Variants in ANKRD36C observed in about 807,000 individuals in gnomAD.
ANKRD36C encodes the protein ankyrin repeat domain-containing protein 36C.
Under a neutral mutation model 276.4 loss-of-function variants are expected in ANKRD36C, and 61 were observed. The ratio of observed to expected loss-of-function variants is 0.22; its 90% CI spans 0.18 to 0.27. The LOEUF (loss-of-function observed/expected upper bound fraction) is 0.27, where lower values mean the gene tolerates loss of function less well. Among genes scored for constraint, ANKRD36C ranks in the 10% least tolerant of loss-of-function variants. The pLI, the probability that ANKRD36C is intolerant of heterozygous loss-of-function variation, is 1.00. For missense variants in ANKRD36C, 1,447 were observed against 2,032.3 expected (o/e 0.71, Z 5.54); for synonymous variants, 483 against 680.1 (o/e 0.71, Z 4.51).
At position 95,914,091 on chromosome 2, in the gene ANKRD36C, T is replaced by C. The variant is rs1441989457; in HGVS notation, c.2551+17A>G. The C allele has an allele frequency of 3.9e-6, 6 of 1,550,102 alleles. No homozygotes were observed. Among genetic ancestry groups the C allele is most frequent in the Non-Finnish European group, 5.2e-6 (6 of 1,143,136 alleles). On this transcript the variant is annotated intron_variant, in intron 40 of 66. Coordinates refer to ENST00000456556, the Ensembl canonical transcript of ANKRD36C. ...TATCTCGACTGATCATGACATTAAATCTCTTTTCAAAATTACCTCTCCTAG... is the reference window on the plus strand; with the variant it reads ...TATCTCGACTGATCATGACATTAAACCTCTTTTCAAAATTACCTCTCCTAG...
rs1262504886 is a variant in ANKRD36C at position 95,964,357 on chromosome 2, T to A, written c.800-1810A>T. Among the ~76,000 whole-genome samples, 3 of 151,870 alleles carry A rather than the reference T, an allele frequency of 2.0e-5. No individual in the cohort carries two copies. The East Asian group carries it at 5.8e-4, about 30-fold the overall frequency. ...TAAGTGACTCCCCAAAGTCTCCTCA[T>A]CAGAAACCTCCAAATTACCTAGCTA... On this transcript the variant is annotated intron_variant, in intron 6 of 66. Transcript: ENST00000456556.
chr2:95,939,669 C>T, intron 20 of ANKRD36C, among the ~76,000 whole-genome samples: 1 of 148,596 alleles, frequency 6.7e-6, no homozygotes, highest in Non-Finnish European at 1.5e-5. Flanking sequence ...CCCGCCACTG[C>T]ACTCAAGCCT....
At chr2:95,853,245 A>T (rs1337929205) in intron 64 of ANKRD36C, 1 of 156,306 alleles carries the variant, frequency 6.4e-6, no homozygotes, top group Non-Finnish European at 1.4e-5. Flanking sequence ...AAGTATACAC[A>T]GGTTCTTTAT....
In ANKRD36C at chr2:95,919,767, G is replaced by A. The variant is rs112691624; in HGVS notation, c.2246-1725C>T. 1.3e-5 allele frequency: 18 copies of A among 1,377,736 alleles called. 5 individuals carry two copies. Among genetic ancestry groups the A allele is most frequent in the Non-Finnish European group, 1.8e-5 (18 of 1,022,846 alleles). 85.3% of individuals were successfully genotyped at this position (1,377,736 alleles called of 1,614,324 possible). On this transcript the variant is annotated intron_variant, in intron 34 of 66. Coordinates refer to ENST00000456556, the Ensembl canonical transcript of ANKRD36C. ...ATTTTTCTCCATCCTTTATTTCTGT[G>A]GCTATATTCAAAACAGAATCTTCCT... is the stretch of plus-strand genomic sequence containing the variant.
At chr2:95,984,421 T>C (rs2918836) in intron 3 of ANKRD36C, among the ~76,000 whole-genome samples, 1 of 152,242 alleles carries the variant, frequency 6.6e-6, no homozygotes, top group East Asian at 1.9e-4. Context: ...TCTCCTAAAC[T>C]TTCCATGTTG....
At chr2:95,980,345 A>G (rs556356006) in intron 5 of ANKRD36C, among the ~76,000 whole-genome samples, 1 of 152,218 alleles carries the variant, frequency 6.6e-6, no homozygotes, top group East Asian at 1.9e-4. Flanking sequence ...ATGTGAAACT[A>G]CTTTATCCTA....
rs542382911 is a variant in ANKRD36C at position 95,889,804 on chromosome 2, C to T, written c.2954G>A (p.Gly985Glu). The change falls in exon 48 of 67, where the codon GGG becomes GAG. Residue 985 changes from glycine (G) to glutamate (E), a missense_variant. Around this residue, in one of 13 missense-constraint regions of ANKRD36C, gnomAD observed 565 missense variants for 539.5 expected, o/e 1.05. Coordinates refer to ENST00000456556, the Ensembl canonical transcript of ANKRD36C. The stretch of plus-strand genomic sequence containing the variant: ...AAATGTGTTTGCAAAATTACCTGTC[C>T]CAGATATTTGTTCATCCTTTGTTTC... The T allele has an allele frequency of 1.4e-4, 217 of 1,588,158 alleles. No individual in the cohort carries two copies. The Middle Eastern group carries it at 3.2e-3, about 23-fold the overall frequency.
intron 14 of ANKRD36C, among the ~76,000 whole-genome samples, chr2:95,951,628 C>T (rs929214302): frequency 1.3e-5 from 2 of 152,308 alleles, no homozygotes; most frequent in Non-Finnish European, 2.9e-5. Flanking sequence ...TTCCTTTCAA[C>T]CCATGTTGAT....
In ANKRD36C at chr2:95,859,310, T is replaced by G. The variant is rs4990676; in HGVS notation, c.3896+551A>C. On this transcript the variant is annotated intron_variant, in intron 61 of 66. Coordinates refer to ENST00000456556, the Ensembl canonical transcript of ANKRD36C. ...GCCTACCAAAGTGCTGGGATTACAG[T>G]CATGAGCCACTGCACCCGGCTGATA... Among the ~76,000 whole-genome samples the G allele has an allele frequency of 0.016, 2,460 of 152,058 alleles. 152 individuals carry two copies. The East Asian group carries it at 0.16, about 10-fold the overall frequency.
intron 22 of ANKRD36C, among the ~76,000 whole-genome samples, chr2:95,937,997 T>C (rs1677765303): frequency 6.6e-6 from 1 of 151,910 alleles, no homozygotes; most frequent in Non-Finnish European, 1.5e-5. Context: ...AAAACAAAGA[T>C]GACCAAACTG....
chr2:95,947,775 C>T (rs1412450250), intron 17 of ANKRD36C, among the ~76,000 whole-genome samples: 1 of 152,082 alleles, frequency 6.6e-6, no homozygotes, highest in Non-Finnish European at 1.5e-5. Context: ...AGTGTAAGCC[C>T]TCTCTACTAT....
Position 95,914,263 on chromosome 2 carries a change from C to G in ANKRD36C, c.2478+12G>C, listed in dbSNP as rs1325544137. Reference sequence around the variant, plus strand: ...ATTTACTAGGTCACAATATAAATGACAGTTTCATTACCTTCAAGCCTGCTG... The same window carrying G: ...ATTTACTAGGTCACAATATAAATGAGAGTTTCATTACCTTCAAGCCTGCTG... On this transcript the variant is annotated intron_variant, in intron 39 of 66. Transcript: ENST00000456556. 5.8e-6 allele frequency: 9 copies of G among 1,552,540 alleles called. No homozygotes were observed. The highest frequency in any genetic ancestry group is 3.6e-4 in the Middle Eastern group (2 of 5,624).
chr2:95,962,283 T>A (rs1294971155), intron 8 of ANKRD36C, 69 bp downstream of exon 8: 2 of 1,479,432 alleles, frequency 1.4e-6, no homozygotes, highest in African/African-American at 1.4e-5. Flanking sequence ...CTCCCTGCGA[T>A]TTATTCAGGG....
At chr2:95,977,333 T>C (rs1186178798) in intron 6 of ANKRD36C, among the ~76,000 whole-genome samples, 2 of 152,208 alleles carry the variant, frequency 1.3e-5, no homozygotes, top group Non-Finnish European at 2.9e-5. Flanking sequence ...CAAATAAATA[T>C]GTTTATATTT....
intron 59 of ANKRD36C, among the ~76,000 whole-genome samples, chr2:95,875,615 G>T (rs1430802692): frequency 6.6e-6 from 1 of 151,894 alleles, no homozygotes; most frequent in Non-Finnish European, 1.5e-5. Context: ...CACCAGCATG[G>T]CACGTGTATA....
chr2:95,910,623 C>T (rs1676887686), intron 42 of ANKRD36C, 55 bp from the exon 45 acceptor site: 1 of 1,600,202 alleles, frequency 6.2e-7, no homozygotes, highest in Non-Finnish European at 8.5e-7. Flanking sequence ...CAAAGATATC[C>T]ATACATTCAT....
At chr2:95,892,657 A>G (rs1363034272) in intron 44 of ANKRD36C, among the ~76,000 whole-genome samples, 1 of 151,474 alleles carries the variant, frequency 6.6e-6, no homozygotes, top group East Asian at 1.9e-4. Context: ...ATTCACTATA[A>G]ATGACCATTT....
At chr2:95,857,278 A>C in intron 62 of ANKRD36C, 31 bp downstream of exon 82, 1 of 1,582,612 alleles carries the variant, frequency 6.3e-7, no homozygotes, top group South Asian at 1.2e-5. Flanking sequence ...ATAAGAGTAG[A>C]AATATGAAGT....
intron 26 of ANKRD36C, among the ~76,000 whole-genome samples, chr2:95,928,515 T>C (rs200700779): frequency 1.3e-5 from 2 of 151,720 alleles, no homozygotes; most frequent in East Asian, 1.9e-4. Context: ...GCAAATATTC[T>C]AAATGCATCT....
Sources: gnomAD v4.1 joint callset for allele counts (sites outside exome capture counted in the v4.1 genomes callset) on GRCh38, gnomAD v4.1.1 for gene constraint, gnomAD v4.1.1 regional missense constraint, MANE v1.5 for transcripts, NCBI Gene and HGNC (gene_info 2026-07-23, HGNC 2026-07-21) for gene names.